GIT2: variants seen among roughly 807,000 people sequenced by gnomAD.
The protein encoded by GIT2 is GIT ArfGAP 2, also known as ARF GTPase-activating protein GIT2.
A neutral mutation model predicts 100.3 loss-of-function variants in GIT2; 32 were observed. That is an observed-to-expected ratio of 0.32 (90% CI 0.24 to 0.43). GIT2 has a LOEUF of 0.43. Ranked by LOEUF, GIT2 falls within the 20% of genes least tolerant of loss-of-function variation. GIT2 has a pLI of 1.00. For missense variants in GIT2, 737 were observed against 975.1 expected, an observed-to-expected ratio of 0.76 and a Z score of 3.25; for synonymous variants, 353 against 364.1, an observed-to-expected ratio of 0.97 and a Z score of 0.35.
At chr12:109,954,714 C>A (rs907131327) in intron 12 of GIT2, among the ~76,000 whole-genome samples, 1 of 152,004 alleles carries the variant, frequency 6.6e-6, no homozygotes, top group Admixed American at 6.6e-5. Context: ...GCCTGGCCAA[C>A]ATGGCAAAAC....
rs540315235 is a variant in GIT2, at chr12:109,957,117, G to A, written c.1099+2730C>T. Among the ~76,000 whole-genome samples the A allele has an allele frequency of 2.0e-5, 3 of 152,226 alleles. No homozygotes were observed. The South Asian group carries it at 6.2e-4, about 32-fold the overall frequency. On this transcript the variant is annotated intron_variant, in intron 12 of 19. Coordinates refer to ENST00000355312, the MANE Select transcript of GIT2 (RefSeq NM_057169.5). ...TTCCCTCCAAATCTCATGTTGAAAT[G>A]TGATCCTCAGTGTTGGAGGGGAGGA...
rs1889410923 is a variant in GIT2, at chr12:109,996,281, TGGC to T, written c.-60_-58del. ...GGCCGGGGGACAGCAAAGGCGGCGG[TGGC>T]GGCGGCGCTTCCGCTCTAACGGGTC... is the stretch of plus-strand genomic sequence containing the variant. On this transcript the variant is annotated 5_prime_UTR_variant, in exon 1 of 20. Transcript: ENST00000355312. 1.6e-5 allele frequency: 20 copies of T among 1,276,056 alleles called. No individual in the cohort carries two copies. The highest frequency in any genetic ancestry group is 2.2e-5 in the Non-Finnish European group (20 of 916,942). The allele number at this position is 1,276,056 out of a possible 1,614,324, so 79.0% of individuals were successfully genotyped here.
chr12:109,939,113 G>T, intron 17 of GIT2, 52 bp downstream of exon 17: 1 of 1,061,896 alleles, frequency 9.4e-7, no homozygotes, highest in Non-Finnish European at 1.5e-6. Context: ...GGCCTGCCAG[G>T]TCTCTGGCCC....
chr12:109,969,019 C>A (rs982995906), intron 7 of GIT2, among the ~76,000 whole-genome samples: 1 of 151,758 alleles, frequency 6.6e-6, no homozygotes, highest in African/African-American at 2.4e-5. Flanking sequence ...CCACCGTGCT[C>A]GGCCTGAGTT....
At position 109,931,754 on chromosome 12, in the gene GIT2, G is replaced by C. The variant is rs1871663511; in HGVS notation, c.*1224C>G. The C allele has an allele frequency of 6.6e-6, 1 of 152,266 alleles. No homozygotes were observed. Among genetic ancestry groups the C allele is most frequent in the African/African-American group, 2.4e-5 (1 of 41,464 alleles). The allele number at this position is 152,266 out of a possible 1,614,324, so 9.4% of individuals were successfully genotyped here. On this transcript the variant is annotated 3_prime_UTR_variant, in exon 20 of 20. Transcript: ENST00000355312. ...GGAACGGGAAGAGCTTTCACATTCA[G>C]AACAAGAAGGGGCTTTTGAGTAACT...
chr12:109,943,331 G>A (rs1172504305), intron 16 of GIT2, among the ~76,000 whole-genome samples: 3 of 144,568 alleles, frequency 2.1e-5, no homozygotes, highest in Non-Finnish European at 4.4e-5. Flanking sequence ...GAACTGCTCA[G>A]GAGACTTTTT....
At chr12:109,938,648 A>G (rs1873715477) in intron 17 of GIT2, 80 bp from the exon 18 acceptor site, 1 of 993,922 alleles carries the variant, frequency 1.0e-6, no homozygotes, top group Non-Finnish European at 1.5e-6. Flanking sequence ...CTTTGTATGC[A>G]CTGGCTAAAT....
intron 3 of GIT2, 88 bp from the exon 4 acceptor site, chr12:109,989,156 C>T: frequency 1.3e-6 from 1 of 791,906 alleles, no homozygotes; most frequent in African/African-American, 1.7e-5. Flanking sequence ...AGGAAGTGAC[C>T]CACATCCCCC....
chr12:109,994,878 T>C (rs1261274461), intron 1 of GIT2, among the ~76,000 whole-genome samples: 2 of 152,212 alleles, frequency 1.3e-5, no homozygotes, highest in African/African-American at 4.8e-5. Flanking sequence ...TCACACTAAC[T>C]TGGTTTAGAA....
intron 7 of GIT2, among the ~76,000 whole-genome samples, chr12:109,970,127 G>A (rs538025911): frequency 3.9e-5 from 6 of 152,074 alleles, no homozygotes; most frequent in Non-Finnish European, 5.9e-5. Context: ...TTCTAGTTTC[G>A]GGGTAAGGTG....
intron 12 of GIT2, among the ~76,000 whole-genome samples, chr12:109,956,678 A>G (rs1018276705): frequency 2.0e-5 from 3 of 152,184 alleles, no homozygotes; most frequent in Non-Finnish European, 4.4e-5. Context: ...ATTTACATAA[A>G]TATGTTTTCC....
At chr12:109,941,199 G>T (rs913412337) in intron 16 of GIT2, among the ~76,000 whole-genome samples, 2 of 152,128 alleles carry the variant, frequency 1.3e-5, no homozygotes, top group Admixed American at 6.5e-5. Flanking sequence ...CTATGAACTC[G>T]TGCATCCTGA....
chr12:109,963,211 C>A (rs1881498096), intron 9 of GIT2, among the ~76,000 whole-genome samples: 1 of 152,130 alleles, frequency 6.6e-6, no homozygotes, highest in South Asian at 2.1e-4. Flanking sequence ...AAGAGTATAG[C>A]AATGAGGATG....
intron 7 of GIT2, among the ~76,000 whole-genome samples, chr12:109,979,434 A>C (rs982054359): frequency 4.6e-5 from 7 of 151,820 alleles, no homozygotes; most frequent in Non-Finnish European, 8.8e-5. Flanking sequence ...CACCATGCCC[A>C]GCTAATTTTT....
chr12:109,999,584 C>CG, upstream of GIT2: 1 of 959,858 alleles, frequency 1.0e-6, no homozygotes, highest in East Asian at 3.3e-5. The surrounding 1 kb of genome is among the most constrained non-coding windows in gnomAD (Gnocchi z 4.3). Context: ...ACACGCCCTA[C>CG]GCTCGCTTGC....
intron 8 of GIT2, 173 bp from the exon 9 acceptor site, chr12:109,965,750 G>C (rs764914415): frequency 1.1e-5 from 8 of 745,324 alleles, no homozygotes; most frequent in Non-Finnish European, 2.0e-5. Context: ...GAACAATCTG[G>C]TGAAAGTAAC....
intron 7 of GIT2, among the ~76,000 whole-genome samples, chr12:109,977,639 T>C (rs1885382563): frequency 6.6e-6 from 1 of 152,116 alleles, no homozygotes. Context: ...CTGGCCAACA[T>C]GGTGAAACCC....
At chr12:109,936,281 C>T (rs1872949169) in intron 18 of GIT2, among the ~76,000 whole-genome samples, 1 of 146,204 alleles carries the variant, frequency 6.8e-6, no homozygotes, top group Admixed American at 6.8e-5. Flanking sequence ...AAAAGGAAAT[C>T]AGATCATTAT....
upstream of GIT2, chr12:109,999,815 G>A: frequency 6.6e-7 from 1 of 1,504,712 alleles, no homozygotes; most frequent in Non-Finnish European, 8.9e-7. This position sits in a 1 kb window ranked among gnomAD's most constrained non-coding sequence, Gnocchi z 4.3. Flanking sequence ...CCGTCTCCCG[G>A]TGGGGACTTC....
Sources: gnomAD v4.1 joint callset for allele counts (sites outside exome capture counted in the v4.1 genomes callset) on GRCh38, gnomAD v4.1.1 for gene constraint, Gnocchi (gnomAD v3.1) non-coding constraint, MANE v1.5 for transcripts, NCBI Gene and HGNC (gene_info 2026-07-23, HGNC 2026-07-21) for gene names.